The following PPP1R12B variants were observed in gnomAD, a reference collection of about 807,000 sequenced individuals.
PPP1R12B encodes myosin phosphatase target subunit 2.
A neutral mutation model predicts 126.1 loss-of-function variants in PPP1R12B; 76 were observed. The ratio of observed to expected loss-of-function variants is 0.60; its 90% CI spans 0.50 to 0.73. The LOEUF (loss-of-function observed/expected upper bound fraction) is 0.73. Ranked by LOEUF, PPP1R12B falls within the 30% of genes least tolerant of loss-of-function variation. PPP1R12B has a pLI of 0.00. For synonymous variants in PPP1R12B, 356 were observed against 434.7 expected (o/e 0.82, Z 2.25); for missense variants, 1,052 against 1,205.1 (o/e 0.87, Z 1.88).
rs139698564 is a variant in PPP1R12B at position 202,437,957 on chromosome 1, G to A, written c.1391G>A (p.Arg464Gln). ...VANSREPIRD[R>Q]GSSIYRSSSS... ...AATTCCAGGGAACCTATAAGGGACCGAGGCTCTTCCATCTATCGCTCCTCT... is the reference window on the plus strand; with the variant it reads ...AATTCCAGGGAACCTATAAGGGACCAAGGCTCTTCCATCTATCGCTCCTCT... The change falls in exon 10 of 24, where the codon CGA (arginine) becomes CAA (glutamine). Residue 464 changes from arginine to glutamine, a missense_variant. Arg to Gln is a conservative substitution (Grantham distance 43). Coordinates refer to ENST00000608999, the MANE Select transcript of PPP1R12B (RefSeq NM_002481.4). The A allele has an allele frequency of 1.2e-4, 195 of 1,613,924 alleles. No individual in the cohort carries two copies. In the African/African-American group the frequency reaches 1.7e-3, roughly 14 times the overall value.
intron 13 of PPP1R12B, among the ~76,000 whole-genome samples, chr1:202,456,217 C>T (rs957572081): frequency 4.0e-5 from 6 of 150,014 alleles, no homozygotes; most frequent in Non-Finnish European, 4.4e-5. Context: ...TGCAGTGAGC[C>T]GAGATTGTAC....
chr1:202,439,071 C>T, intron 10 of PPP1R12B: 1 of 1,390,972 alleles, frequency 7.2e-7, no homozygotes, highest in Non-Finnish European at 1.0e-6. Flanking sequence ...TATGACCTTG[C>T]CATCAAGACC....
chr1:202,568,696 G>A (rs1464849316), intron 22 of PPP1R12B, among the ~76,000 whole-genome samples: 6 of 152,296 alleles, frequency 3.9e-5, no homozygotes, highest in Non-Finnish European at 8.8e-5. Context: ...CTTAGACAAT[G>A]ATGTCTACTT....
At chr1:202,374,221 T>C (rs1660767762) in intron 1 of PPP1R12B, among the ~76,000 whole-genome samples, 1 of 152,200 alleles carries the variant, frequency 6.6e-6, no homozygotes, top group African/African-American at 2.4e-5. Context: ...GCTTCTCCTC[T>C]GTTTACTATC....
chr1:202,561,309 AT>A (rs1687496682), intron 19 of PPP1R12B, among the ~76,000 whole-genome samples: 1 of 152,096 alleles, frequency 6.6e-6, no homozygotes, highest in Non-Finnish European at 1.5e-5. Context: ...TAGCTAAAAA[AT>A]TTGAAAAATT....
chr1:202,505,645 C>T (rs190099622), intron 18 of PPP1R12B, among the ~76,000 whole-genome samples: 4 of 152,190 alleles, frequency 2.6e-5, no homozygotes, highest in Non-Finnish European at 4.4e-5. Context: ...GACAAGATTG[C>T]GCTGTGGAGT....
intron 13 of PPP1R12B, among the ~76,000 whole-genome samples, chr1:202,462,451 C>T (rs1489958434): frequency 1.3e-5 from 2 of 152,108 alleles, no homozygotes; most frequent in African/African-American, 2.4e-5. Flanking sequence ...TCCCCCTCCC[C>T]CTCAGGACAC....
At position 202,493,281 on chromosome 1, in the gene PPP1R12B, G is replaced by A. The variant is rs1679128567; in HGVS notation, c.2109G>A (p.Glu703=). 1.9e-6 allele frequency: 3 copies of A among 1,612,542 alleles called. No individual in the cohort carries two copies. In the South Asian group the frequency reaches 3.3e-5, roughly 18 times the overall value. ...PSAVPATEAG[E]GQQPWGRSLD... is the part of the protein sequence containing the mutation. ...CAGTTCCAGCAACAGAAGCTGGGGA[G>A]GGCCAGCAGCCCTGGGGCAGGAGTC... The change falls in exon 15 of 24, where the codon GAG becomes GAA. Residue 703 remains glutamate, a synonymous_variant. Coordinates refer to ENST00000608999, the MANE Select transcript of PPP1R12B (RefSeq NM_002481.4).
In PPP1R12B at chr1:202,476,360, A is replaced by G. The variant is rs563624458; in HGVS notation, c.1851-12173A>G. 1.2e-4 allele frequency among the ~76,000 whole-genome samples: 18 copies of G among 151,262 alleles called. No individual in the cohort carries two copies. The South Asian group carries it at 1.2e-3, about 10-fold the overall frequency. ...AGTGTGTCTTTAATTATGTTTTTAT[A>G]TATTATAAGCTATATAATATATAAA... On this transcript the variant is annotated intron_variant, in intron 13 of 23. Transcript: ENST00000608999.
intron 13 of PPP1R12B, among the ~76,000 whole-genome samples, chr1:202,483,314 C>G (rs1677659526): frequency 1.5e-5 from 2 of 131,360 alleles, no homozygotes; most frequent in Admixed American, 8.9e-5. Flanking sequence ...GAGTCTTGCT[C>G]TGTCGCCCAG....
In PPP1R12B at chr1:202,590,575, G is replaced by A. The variant is rs1240336974; in HGVS notation, c.*10015G>A. 2.7e-5 allele frequency: 4 copies of A among 150,378 alleles called. No individual in the cohort carries two copies. The highest frequency in any genetic ancestry group is 9.8e-5 in the African/African-American group (4 of 40,676). 9.3% of individuals were successfully genotyped at this position (150,378 alleles called of 1,614,324 possible). The stretch of plus-strand genomic sequence containing the variant: ...CACCTCAGCGCAGCAAAAACAACCA[G>A]AGACACCCCCCACCCCCAGGTTTCT... On this transcript the variant is annotated 3_prime_UTR_variant, in exon 24 of 24. Transcript: ENST00000608999.
intron 18 of PPP1R12B, among the ~76,000 whole-genome samples, chr1:202,539,392 A>G (rs1684876654): frequency 6.6e-6 from 1 of 152,166 alleles, no homozygotes; most frequent in South Asian, 2.1e-4. Context: ...CACTGAGCGA[A>G]TAGGGATTTG....
intron 1 of PPP1R12B, among the ~76,000 whole-genome samples, chr1:202,408,300 TG>T (rs1402196560): frequency 5.2e-5 from 3 of 58,110 alleles, no homozygotes; most frequent in Non-Finnish European, 1.6e-4. Flanking sequence ...AAATGCCTCA[TG>T]TGAGAACCAT....
chr1:202,425,516 C>T, intron 3 of PPP1R12B, 50 bp from the exon 4 acceptor site: 1 of 1,580,846 alleles, frequency 6.3e-7, no homozygotes, highest in East Asian at 2.2e-5. Flanking sequence ...TCCTGTCAAA[C>T]TTAAGTGGAG....
intron 18 of PPP1R12B, among the ~76,000 whole-genome samples, chr1:202,513,872 G>A (rs1256247421): frequency 6.6e-6 from 1 of 152,188 alleles, no homozygotes; most frequent in African/African-American, 2.4e-5. Flanking sequence ...TGAGATGGCA[G>A]AAGGGGAGAG....
At chr1:202,482,725 A>G (rs1294888675) in intron 13 of PPP1R12B, among the ~76,000 whole-genome samples, 5 of 152,098 alleles carry the variant, frequency 3.3e-5, no homozygotes, top group African/African-American at 1.2e-4. Flanking sequence ...TTCCTTTGCT[A>G]TGCAAAAGCT....
chr1:202,553,614 C>T (rs541551340), intron 18 of PPP1R12B, among the ~76,000 whole-genome samples: 1 of 152,256 alleles, frequency 6.6e-6, no homozygotes, highest in East Asian at 1.9e-4. Context: ...AGGGAGTGTA[C>T]AGAGGAGGAG....
intron 13 of PPP1R12B, among the ~76,000 whole-genome samples, chr1:202,476,792 A>G (rs1213925949): frequency 6.6e-6 from 1 of 152,028 alleles, no homozygotes; most frequent in Non-Finnish European, 1.5e-5. Flanking sequence ...ATGTTTAAAT[A>G]CCATTCTCTC....
At chr1:202,502,587 G>A (rs1432601026) in intron 18 of PPP1R12B, 10 of 580,594 alleles carry the variant, frequency 1.7e-5, no homozygotes, top group East Asian at 1.5e-4. Flanking sequence ...CTGCTCTTAC[G>A]GAATTTACAT....
Sources: allele counts gnomAD v4.1 joint callset (sites outside exome capture counted in the v4.1 genomes callset), GRCh38; gene constraint gnomAD v4.1.1; transcripts MANE v1.5; gene names NCBI Gene and HGNC (gene_info 2026-07-23, HGNC 2026-07-21).